HAS3: variants seen among roughly 807,000 people sequenced by gnomAD.
HAS3 encodes HA synthase 3.
Under a neutral mutation model 50.3 loss-of-function variants are expected in HAS3, and 27 were observed. That is an observed-to-expected ratio of 0.54 (90% CI 0.40 to 0.74). The LOEUF (loss-of-function observed/expected upper bound fraction) is 0.74. HAS3 is among the 30% of genes least tolerant of loss of function. HAS3 has a pLI of 0.00. For missense variants in HAS3, 517 were observed against 742.8 expected (o/e 0.70, Z 3.53); for synonymous variants, 339 against 310.9 (o/e 1.09, Z -0.95).
Position 69,109,320 on chromosome 16 carries a change from A to C in HAS3, c.1-76A>C. ...TCAGTGGGTCATGTCCACTAGTAAC[A>C]GAGAACACCCATGCTCCCACGGACT... is the stretch of plus-strand genomic sequence containing the variant. On this transcript the variant is annotated intron_variant, in intron 1 of 3. Transcript: ENST00000569188. The surrounding 1 kb of genome is among the most constrained non-coding windows in gnomAD (Gnocchi z 5.3). 2.1e-6 allele frequency: 3 copies of C among 1,440,722 alleles called. No individual in the cohort carries two copies. The highest frequency in any genetic ancestry group is 1.9e-6 in the Non-Finnish European group (2 of 1,065,568). 89.2% of individuals were successfully genotyped at this position (1,440,722 alleles called of 1,614,324 possible).
chr16:69,118,313 T>C, downstream of HAS3: 1 of 1,268,746 alleles, frequency 7.9e-7, no homozygotes. Flanking sequence ...TCGGTGGGTC[T>C]TTCTTTGAAG....
At chr16:69,089,627 A>G in the HAS3 span, among the ~76,000 whole-genome samples, 2 of 152,148 alleles carry the variant, frequency 1.3e-5, no homozygotes, top group African/African-American at 4.8e-5. Context: ...GCTCCTTACA[A>G]TACCCGGTGC....
chr16:69,099,408 A>C, the HAS3 span, among the ~76,000 whole-genome samples: 1 of 151,378 alleles, frequency 6.6e-6, no homozygotes, highest in African/African-American at 2.4e-5. Context: ...GCTCACTGCA[A>C]CCTCTGCCTC....
At chr16:69,113,402 C>A in intron 2 of HAS3, 39 bp from the exon 3 acceptor site, 1 of 1,363,902 alleles carries the variant, frequency 7.3e-7, no homozygotes, top group Non-Finnish European at 1.0e-6. Flanking sequence ...GTGTGCAGGT[C>A]TGAGGTCAGA....
At chr16:69,105,300 C>G (rs1960761486), upstream of HAS3, among the ~76,000 whole-genome samples, 1 of 152,128 alleles carries the variant, frequency 6.6e-6, no homozygotes, top group Non-Finnish European at 1.5e-5. Context: ...TGGTTCTAAA[C>G]TTCTTGTCTC....
At chr16:69,086,799 G>A in the HAS3 span, among the ~76,000 whole-genome samples, 2 of 152,132 alleles carry the variant, frequency 1.3e-5, no homozygotes, top group African/African-American at 4.8e-5. Flanking sequence ...AGCTACTCAG[G>A]AGGCTGAGGC....
intron 2 of HAS3, 149 bp from the exon 3 acceptor site, chr16:69,113,292 G>A (rs1961068442): frequency 3.0e-6 from 2 of 669,880 alleles, no homozygotes; most frequent in Non-Finnish European, 5.5e-6. Flanking sequence ...GGCACCTTCT[G>A]GTAGCGCAGA....
chr16:69,112,744 C>T (rs1264054051), intron 2 of HAS3, among the ~76,000 whole-genome samples: 3 of 152,218 alleles, frequency 2.0e-5, no homozygotes, highest in Non-Finnish European at 4.4e-5. Flanking sequence ...AATGAGACCA[C>T]CTGTTAGAAT....
At position 69,109,422 on chromosome 16, in the gene HAS3, G is replaced by T. The variant is rs117597766; in HGVS notation, c.27G>T (p.Leu9=). 6.2e-7 allele frequency: 1 copy of T among 1,610,342 alleles called. No homozygotes were observed. Among genetic ancestry groups the T allele is most frequent in the Admixed American group, 1.7e-5 (1 of 59,930 alleles). The change falls in exon 2 of 4, where the codon CTG becomes CTT. Residue 9 remains leucine (L), a synonymous_variant. Coordinates refer to ENST00000569188, the MANE Select transcript of HAS3 (RefSeq NM_001199280.2). The surrounding 1 kb of genome is among the most constrained non-coding windows in gnomAD (Gnocchi z 5.3). ...TGCCGGTGCAGCTGACGACAGCCCT[G>T]CGTGTGGTGGGCACCAGCCTGTTTG... MPVQLTTA[L]RVVGTSLFAL...
the HAS3 span, among the ~76,000 whole-genome samples, chr16:69,086,826 C>T: frequency 6.6e-6 from 1 of 152,156 alleles, no homozygotes; most frequent in African/African-American, 2.4e-5. Context: ...ATCGCTTGAA[C>T]CTGGGAAGCA....
chr16:69,113,833 G>C (rs1035719640), intron 3 of HAS3, among the ~76,000 whole-genome samples: 6 of 152,166 alleles, frequency 3.9e-5, no homozygotes, highest in Admixed American at 3.3e-4. Context: ...TTTTTGGCCG[G>C]TGGTACAGCA....
At position 69,110,078 on chromosome 16, in the gene HAS3, A is replaced by G. The variant is rs773835534; in HGVS notation, c.636+47A>G. On this transcript the variant is annotated intron_variant, in intron 2 of 3. Coordinates refer to ENST00000569188, the MANE Select transcript of HAS3 (RefSeq NM_001199280.2). ...CGTGTGTACATGGGGATAAGTCTGGACAGCCTGGCAAACTCTCCGCCAAGA... is the reference window on the plus strand; with the variant it reads ...CGTGTGTACATGGGGATAAGTCTGGGCAGCCTGGCAAACTCTCCGCCAAGA... The G allele has an allele frequency of 1.5e-5, 23 of 1,533,458 alleles. No individual in the cohort carries two copies. The South Asian group carries it at 2.1e-4, about 14-fold the overall frequency. The allele number at this position is 1,533,458 out of a possible 1,614,324, so 95.0% of individuals were successfully genotyped here. A position where few individuals can be genotyped will look rare whatever the true frequency, so the allele number is the denominator to read the frequency against.
In HAS3 at chr16:69,112,767, C is replaced by T. The variant is rs148943498; in HGVS notation, c.637-674C>T. On this transcript the variant is annotated intron_variant, in intron 2 of 3. Coordinates refer to ENST00000569188, the MANE Select transcript of HAS3 (RefSeq NM_001199280.2). The stretch of plus-strand genomic sequence containing the variant: ...CACCTGTTAGAATCAGGCCATAAGC[C>T]TCCCAAGAGCTGGGCAGAGTTGGCC... Among the ~76,000 whole-genome samples the T allele has an allele frequency of 7.6e-3, 1,163 of 152,342 alleles. 17 individuals are homozygous for T. The highest frequency in any genetic ancestry group is 0.025 in the African/African-American group (1,047 of 41,578).
chr16:69,103,930 C>A (rs944263271), upstream of HAS3, among the ~76,000 whole-genome samples: 2 of 152,168 alleles, frequency 1.3e-5, no homozygotes, highest in Non-Finnish European at 2.9e-5. Context: ...AGAGCCCTCC[C>A]CTCCACCAAC....
At chr16:69,105,291 G>T (rs1960761302), upstream of HAS3, among the ~76,000 whole-genome samples, 1 of 151,986 alleles carries the variant, frequency 6.6e-6, no homozygotes, top group South Asian at 2.1e-4. Context: ...GCCTTCAGCT[G>T]GTTCTAAACT....
the HAS3 span, among the ~76,000 whole-genome samples, chr16:69,096,717 A>G: frequency 1.4e-5 from 2 of 146,588 alleles, no homozygotes; most frequent in Non-Finnish European, 3.0e-5. Context: ...TCCCGGGTTC[A>G]AGTGATTATC....
At chr16:69,087,696 CTTTTTTTTT>C in the HAS3 span, among the ~76,000 whole-genome samples, 15 of 82,636 alleles carry the variant, frequency 1.8e-4, no homozygotes, top group Non-Finnish European at 4.8e-5. Context: ...CCGCACCCGG[CTTTTTTTTT>C]TTTTTTTTTT....
the HAS3 span, among the ~76,000 whole-genome samples, chr16:69,097,440 CTT>C: frequency 1.5e-5 from 2 of 136,594 alleles, no homozygotes; most frequent in Non-Finnish European, 3.2e-5. Context: ...GAGCGAGACT[CTT>C]TCTCCAAAAA....
At chr16:69,085,518 G>C in the HAS3 span, among the ~76,000 whole-genome samples, 1 of 151,944 alleles carries the variant, frequency 6.6e-6, no homozygotes, top group African/African-American at 2.4e-5. Flanking sequence ...TCCCCCCTCA[G>C]CCTCCTGAGT....
Sources: gnomAD v4.1 joint callset for allele counts (sites outside exome capture counted in the v4.1 genomes callset) on GRCh38, gnomAD v4.1.1 for gene constraint, Gnocchi (gnomAD v3.1) non-coding constraint, MANE v1.5 for transcripts, NCBI Gene and HGNC (gene_info 2026-07-23, HGNC 2026-07-21) for gene names.